SLC44A1: variants seen among roughly 807,000 people sequenced by gnomAD.
SLC44A1 encodes the protein choline transporter-like protein 1.
SLC44A1 carries 26 observed loss-of-function variants against 79.3 expected under a neutral mutation model. That is an observed-to-expected ratio of 0.33 (90% CI 0.24 to 0.46). The LOEUF is 0.46. Among genes scored for constraint, SLC44A1 ranks in the 20% least tolerant of loss-of-function variants. SLC44A1 has a pLI of 1.00. For missense variants in SLC44A1, 688 were observed against 798.1 expected (o/e 0.86, Z 1.66); for synonymous variants, 263 against 286.2 (o/e 0.92, Z 0.82).
chr9:105,409,376 A>G (rs1478112756), intron 15 of SLC44A1, among the ~76,000 whole-genome samples: 1 of 152,204 alleles, frequency 6.6e-6, no homozygotes, highest in African/African-American at 2.4e-5. Context: ...ATGCATCAAT[A>G]ACATATAGCA....
chr9:105,363,749 G>A (rs1391650330), intron 9 of SLC44A1, among the ~76,000 whole-genome samples: 1 of 152,234 alleles, frequency 6.6e-6, no homozygotes, highest in Non-Finnish European at 1.5e-5. Flanking sequence ...ACAGGCGTGA[G>A]CCAGCGTGCC....
chr9:105,329,723 C>T (rs1826691388), intron 3 of SLC44A1, among the ~76,000 whole-genome samples: 2 of 152,054 alleles, frequency 1.3e-5, no homozygotes. Flanking sequence ...ATCCTATAGT[C>T]GACTTTATCA....
intron 1 of SLC44A1, among the ~76,000 whole-genome samples, chr9:105,268,517 T>A (rs560542334): frequency 6.6e-6 from 1 of 152,286 alleles, no homozygotes; most frequent in South Asian, 2.1e-4. Context: ...CTTCTTTTTT[T>A]TTTGAGACGG....
intron 3 of SLC44A1, among the ~76,000 whole-genome samples, chr9:105,313,927 T>C (rs1831248853): frequency 6.6e-6 from 1 of 150,902 alleles, no homozygotes; most frequent in Admixed American, 6.6e-5. Flanking sequence ...GCCTGGCTAA[T>C]TTTTTTTTGT....
intron 2 of SLC44A1, chr9:105,299,685 T>G: frequency 1.6e-6 from 1 of 618,250 alleles, no homozygotes; most frequent in Non-Finnish European, 2.0e-6. Flanking sequence ...TGTTCCACAG[T>G]TCTTCCTAGA....
chr9:105,424,964 A>AAAAAAAG (rs1554691707), intron 15 of SLC44A1, among the ~76,000 whole-genome samples: 6 of 148,204 alleles, frequency 4.0e-5, no homozygotes, highest in African/African-American at 1.6e-4. Flanking sequence ...AAAAAAAAAG[A>AAAAAAAG]AAAGAAAGAA....
At chr9:105,420,317 C>T (rs766888479) in intron 15 of SLC44A1, among the ~76,000 whole-genome samples, 2 of 152,104 alleles carry the variant, frequency 1.3e-5, no homozygotes, top group Non-Finnish European at 2.9e-5. Context: ...AAATAAAAGT[C>T]AGGAAAATTG....
At position 105,395,479 on chromosome 9, in the gene SLC44A1, A is replaced by G. The variant is rs1439072701; in HGVS notation, c.*6423A>G. ...GGTGATCCACCCGCCTCAGCCTCCC[A>G]AAGTGCTGGGATTACAGGCATGAGC... is the stretch of plus-strand genomic sequence containing the variant. On this transcript the variant is annotated 3_prime_UTR_variant, in exon 16 of 16. Transcript: ENST00000374720. The G allele has an allele frequency of 1.1e-6, 1 of 915,188 alleles. No individual in the cohort carries two copies. The highest frequency in any genetic ancestry group is 1.8e-5 in the African/African-American group (1 of 56,040). 56.7% of individuals were successfully genotyped at this position (915,188 alleles called of 1,614,324 possible).
chr9:105,405,839 G>A (rs74839391), intron 15 of SLC44A1, among the ~76,000 whole-genome samples: 150 of 152,184 alleles, frequency 9.9e-4, no homozygotes, highest in East Asian at 7.3e-3. Flanking sequence ...TAACAGATGC[G>A]GCAAACGGCA....
intron 1 of SLC44A1, among the ~76,000 whole-genome samples, chr9:105,263,773 G>C (rs1829894380): frequency 6.6e-6 from 1 of 151,978 alleles, no homozygotes; most frequent in Non-Finnish European, 1.5e-5. Flanking sequence ...CTGACCTCAG[G>C]TGATCCACCC....
intron 3 of SLC44A1, among the ~76,000 whole-genome samples, chr9:105,317,484 G>A (rs916307230): frequency 1.3e-4 from 20 of 152,110 alleles, no homozygotes; most frequent in South Asian, 2.1e-4. Context: ...AGTAAAGTCG[G>A]CTGTGGAAGG....
chr9:105,316,864 A>G (rs552311410), intron 3 of SLC44A1, among the ~76,000 whole-genome samples: 2 of 152,336 alleles, frequency 1.3e-5, no homozygotes, highest in South Asian at 4.1e-4. Context: ...AGCTTTAAAC[A>G]ATGAAGTTCT....
At chr9:105,281,564 A>T (rs908924799) in intron 1 of SLC44A1, among the ~76,000 whole-genome samples, 3 of 152,192 alleles carry the variant, frequency 2.0e-5, no homozygotes, top group Non-Finnish European at 1.5e-5. Context: ...GGCCAGGCAG[A>T]CATGATATCG....
At chr9:105,308,434 G>A (rs1228307276) in intron 2 of SLC44A1, among the ~76,000 whole-genome samples, 4 of 152,156 alleles carry the variant, frequency 2.6e-5, no homozygotes, top group African/African-American at 9.7e-5. Flanking sequence ...TAGCAAATCA[G>A]GGCTAGTCTC....
At position 105,356,340 on chromosome 9, in the gene SLC44A1, C is replaced by T. The variant is rs765463733; in HGVS notation, c.629C>T (p.Thr210Ile). The T allele has an allele frequency of 6.2e-7, 1 of 1,606,796 alleles. No homozygotes were observed. Among genetic ancestry groups the T allele is most frequent in the African/African-American group, 1.3e-5 (1 of 74,414 alleles). Residue 210 changes from threonine to isoleucine, a missense_variant, in exon 6 of 16, where the codon ACC (threonine) becomes ATC (isoleucine). Physicochemically the swap from Thr to Ile is moderately conservative, Grantham distance 89. Coordinates refer to ENST00000374720, the MANE Select transcript of SLC44A1 (RefSeq NM_080546.5). The part of the protein sequence containing the change: ...VLHRLISGVM[T>I]SKEIILGLCL... ...CACAGGCTGATTAGTGGAGTAATGA[C>T]CAGCAAAGAAATTATATTGGGACTT...
chr9:105,319,567 A>G (rs888909165), intron 3 of SLC44A1, among the ~76,000 whole-genome samples: 11 of 151,966 alleles, frequency 7.2e-5, no homozygotes, highest in African/African-American at 2.2e-4. Context: ...TGTGATCCCA[A>G]ACTCTTAATC....
intron 3 of SLC44A1, among the ~76,000 whole-genome samples, chr9:105,331,762 T>A (rs1826756386): frequency 6.6e-6 from 1 of 152,224 alleles, no homozygotes; most frequent in Non-Finnish European, 1.5e-5. Flanking sequence ...ATGATATTTG[T>A]AGGAAATATT....
At chr9:105,249,546 C>T (rs576177750) in intron 1 of SLC44A1, among the ~76,000 whole-genome samples, 59 of 148,960 alleles carry the variant, frequency 4.0e-4, no homozygotes, top group African/African-American at 1.5e-3. Context: ...TTTTTTGAGC[C>T]AGAGTTTGGC....
rs1429611890 is a variant in SLC44A1 at position 105,390,683 on chromosome 9, G to A, written c.*1627G>A. The A allele has an allele frequency of 2.7e-5, 27 of 985,350 alleles. No individual in the cohort carries two copies. The highest frequency in any genetic ancestry group is 3.0e-5 in the Non-Finnish European group (25 of 829,754). 61.0% of individuals were successfully genotyped at this position (985,350 alleles called of 1,614,324 possible). A position where few individuals can be genotyped will look rare whatever the true frequency, so the allele number is the denominator to read the frequency against. On this transcript the variant is annotated 3_prime_UTR_variant, in exon 16 of 16. Coordinates refer to ENST00000374720, the MANE Select transcript of SLC44A1 (RefSeq NM_080546.5). ...TTAAGTATTGGTGTTCTTTACTCTA[G>A]CTAGGCTAAAATTTGCTAAATGCCT...
Sources: gnomAD v4.1 joint callset for allele counts (sites outside exome capture counted in the v4.1 genomes callset) on GRCh38, gnomAD v4.1.1 for gene constraint, MANE v1.5 for transcripts, NCBI Gene and HGNC (gene_info 2026-07-23, HGNC 2026-07-21) for gene names.